Variants in AGPAT5 observed in about 807,000 individuals in gnomAD.
AGPAT5 encodes the protein 1-acylglycerol-3-phosphate O-acyltransferase 5.
Under a neutral mutation model 45.6 loss-of-function variants are expected in AGPAT5, and 46 were observed. The observed-to-expected ratio is 1.01, with a 90% CI of 0.80 to 1.29. The LOEUF is 1.29. Among genes scored for constraint, AGPAT5 ranks in the 50% most tolerant of loss-of-function variants. The pLI, the probability that AGPAT5 is intolerant of heterozygous loss-of-function variation, is 0.00. For missense variants in AGPAT5, 673 were observed against 450.7 expected, an observed-to-expected ratio of 1.49 and a Z score of -4.47; for synonymous variants, 272 against 167.0, an observed-to-expected ratio of 1.63 and a Z score of -4.85.
chr8:6,744,593 G>C (rs893428955), intron 5 of AGPAT5, among the ~76,000 whole-genome samples: 23 of 152,112 alleles, frequency 1.5e-4, no homozygotes, highest in African/African-American at 5.6e-4. Flanking sequence ...TCCTGTGCTT[G>C]GTTCGAGGTC....
At chr8:6,732,899 G>C (rs1213828415) in intron 4 of AGPAT5, among the ~76,000 whole-genome samples, 3 of 152,136 alleles carry the variant, frequency 2.0e-5, no homozygotes, top group African/African-American at 7.2e-5. Context: ...AAGAGCATTT[G>C]GTGTCGTTCA....
chr8:6,717,992 C>G (rs193184025), intron 1 of AGPAT5, among the ~76,000 whole-genome samples: 1 of 152,280 alleles, frequency 6.6e-6, no homozygotes, highest in Admixed American at 6.5e-5. Flanking sequence ...CGTATGTCAT[C>G]TGGATTAAGT....
In AGPAT5 at chr8:6,757,159, A is replaced by T; in HGVS notation, c.870-4A>T. On this transcript the variant is annotated splice_region_variant and splice_polypyrimidine_tract_variant and intron_variant, in intron 7 of 7. Coordinates refer to ENST00000285518, the MANE Select transcript of AGPAT5 (RefSeq NM_018361.5). The stretch of plus-strand genomic sequence containing the variant: ...AATCTAAACTTTTTCCATTCTGGCC[A>T]TAGGATGCTTATAGAATTTTATGAG... 1 of 1,611,126 alleles carries T rather than the reference A, an allele frequency of 6.2e-7. No homozygotes were observed. The highest frequency in any genetic ancestry group is 8.5e-7 in the Non-Finnish European group (1 of 1,178,362).
At chr8:6,754,689 G>T (rs548526507) in intron 6 of AGPAT5, among the ~76,000 whole-genome samples, 2 of 152,114 alleles carry the variant, frequency 1.3e-5, no homozygotes, top group Non-Finnish European at 2.9e-5. Context: ...AGGCATTTGC[G>T]GGTCCCTTCA....
chr8:6,717,865 C>G (rs1403916668), intron 1 of AGPAT5, among the ~76,000 whole-genome samples: 4 of 152,176 alleles, frequency 2.6e-5, no homozygotes, highest in African/African-American at 4.8e-5. Flanking sequence ...TATGAGAAGT[C>G]TTCTCACTTG....
At chr8:6,714,022 C>G (rs1326244332) in intron 1 of AGPAT5, among the ~76,000 whole-genome samples, 1 of 152,146 alleles carries the variant, frequency 6.6e-6, no homozygotes, top group Non-Finnish European at 1.5e-5. Context: ...TAGAATGAAA[C>G]ATGTTTACTT....
In AGPAT5 at chr8:6,720,429, G is replaced by A. The variant is rs142920741; in HGVS notation, c.220-4441G>A. The stretch of plus-strand genomic sequence containing the variant: ...GTCAGAACAGTGCTTGTCAAGGGGC[G>A]TTACCACACACTTGAACAGATTTTT... On this transcript the variant is annotated intron_variant, in intron 1 of 7. Transcript: ENST00000285518. Among the ~76,000 whole-genome samples, 978 of 152,284 alleles carry A rather than the reference G, an allele frequency of 6.4e-3. 8 individuals are homozygous for A. Among genetic ancestry groups the A allele is most frequent in the African/African-American group, 0.021 (868 of 41,536 alleles).
In AGPAT5 at chr8:6,747,803, G is replaced by A; in HGVS notation, c.720G>A (p.Gln240=). 1 of 1,614,186 alleles carries A rather than the reference G, an allele frequency of 6.2e-7. No individual in the cohort carries two copies. The highest frequency in any genetic ancestry group is 8.5e-7 in the Non-Finnish European group (1 of 1,180,028). The change falls in exon 6 of 8, where the codon CAG becomes CAA. Residue 240 remains glutamine, a synonymous_variant. Transcript: ENST00000285518. ...VVYEGKDDGG[Q]RRESPTMTEF... ...ATGAAGGGAAAGACGATGGAGGGCA[G>A]CGAAGAGAGTCACCGACCATGACGG...
intron 6 of AGPAT5, among the ~76,000 whole-genome samples, chr8:6,748,080 A>G (rs750308210): frequency 1.2e-4 from 19 of 152,236 alleles, no homozygotes; most frequent in Non-Finnish European, 2.2e-4. Context: ...TTTCTACTCA[A>G]AGTTCACACT....
intron 7 of AGPAT5, among the ~76,000 whole-genome samples, chr8:6,755,865 A>G (rs549066986): frequency 6.6e-6 from 1 of 152,194 alleles, no homozygotes; most frequent in South Asian, 2.1e-4. Flanking sequence ...TCTATTTTTC[A>G]TTGACTCTTA....
chr8:6,731,874 CCTT>C (rs1348443287), intron 3 of AGPAT5, among the ~76,000 whole-genome samples: 1 of 152,222 alleles, frequency 6.6e-6, no homozygotes, highest in African/African-American at 2.4e-5. Context: ...CAGACAGCAT[CCTT>C]CTTCCTGTGT....
chr8:6,714,284 T>A (rs1457422603), intron 1 of AGPAT5, among the ~76,000 whole-genome samples: 1 of 152,218 alleles, frequency 6.6e-6, no homozygotes, highest in African/African-American at 2.4e-5. Context: ...TGTGTAGGTG[T>A]GGGTGTGTTT....
Position 6,739,966 on chromosome 8 carries a change from C to T in AGPAT5, c.496-1695C>T, listed in dbSNP as rs571452227. 3.9e-5 allele frequency among the ~76,000 whole-genome samples: 6 copies of T among 152,118 alleles called. No homozygotes were observed. In the East Asian group the frequency reaches 5.8e-4, roughly 15 times the overall value. On this transcript the variant is annotated intron_variant, in intron 4 of 7. Coordinates refer to ENST00000285518, the MANE Select transcript of AGPAT5 (RefSeq NM_018361.5). ...TTTGCAATCATATCATGATATGTAA[C>T]GACATGTTTTTATTTATCTGTTTAA...
Position 6,736,659 on chromosome 8 carries a change from C to T in AGPAT5, c.495+4009C>T, listed in dbSNP as rs1227805557. 2.6e-5 allele frequency among the ~76,000 whole-genome samples: 4 copies of T among 152,236 alleles called. No homozygotes were observed. In the East Asian group the frequency reaches 7.7e-4, roughly 29 times the overall value. On this transcript the variant is annotated intron_variant, in intron 4 of 7. Coordinates refer to ENST00000285518, the MANE Select transcript of AGPAT5 (RefSeq NM_018361.5). The stretch of plus-strand genomic sequence containing the variant: ...GAGTGTCTTTCTCCGGAGAACATTT[C>T]TACCTGTTTTAGCTGGGCCCCTTAA...
At chr8:6,719,675 C>G (rs1451135164) in intron 1 of AGPAT5, among the ~76,000 whole-genome samples, 2 of 152,176 alleles carry the variant, frequency 1.3e-5, no homozygotes, top group Non-Finnish European at 2.9e-5. Context: ...AGCTTTACCA[C>G]CCAAACAAGC....
At chr8:6,748,926 G>C (rs1011622651) in intron 6 of AGPAT5, among the ~76,000 whole-genome samples, 5 of 152,164 alleles carry the variant, frequency 3.3e-5, no homozygotes, top group African/African-American at 1.2e-4. Flanking sequence ...GTCTGAAGTT[G>C]ATGTGCCTTG....
intron 7 of AGPAT5, among the ~76,000 whole-genome samples, chr8:6,756,744 G>T (rs932692208): frequency 4.6e-5 from 7 of 152,068 alleles, no homozygotes; most frequent in Non-Finnish European, 7.4e-5. Flanking sequence ...CCAGCCCCCT[G>T]TCGATACAGA....
rs953060605 is a variant in AGPAT5, at chr8:6,756,289, A to C, written c.870-874A>C. 2.0e-5 allele frequency among the ~76,000 whole-genome samples: 3 copies of C among 152,128 alleles called. No homozygotes were observed. In the East Asian group the frequency reaches 5.8e-4, roughly 29 times the overall value. ...TGCAGTGAGCAGTCCATATCCATGG[A>C]TTCCACATTCATGGATTCCACCAAG... is the stretch of plus-strand genomic sequence containing the variant. On this transcript the variant is annotated intron_variant, in intron 7 of 7. Coordinates refer to ENST00000285518, the MANE Select transcript of AGPAT5 (RefSeq NM_018361.5).
chr8:6,757,320 A>T lies in AGPAT5; in HGVS notation c.1027A>T (p.Lys343Ter), dbSNP rs758116601. 2 of 1,614,234 alleles carry T rather than the reference A, an allele frequency of 1.2e-6. No individual in the cohort carries two copies. The highest frequency in any genetic ancestry group is 1.7e-6 in the Non-Finnish European group (2 of 1,180,038). ...CATGCTTATGACCGATGCTGGAAGG[A>T]AGCTGTATGTGAACACCTGGATATA... ...AGMLMTDAGR[K>*]LYVNTWIYGT... Residue 343 changes from lysine (K) to a stop codon, truncating the protein, a stop_gained, in exon 8 of 8, where the codon AAG becomes TAG. Coordinates refer to ENST00000285518, the MANE Select transcript of AGPAT5 (RefSeq NM_018361.5). LOFTEE classifies it high-confidence loss of function.
Sources: allele counts gnomAD v4.1 joint callset (sites outside exome capture counted in the v4.1 genomes callset), GRCh38; gene constraint gnomAD v4.1.1; transcripts MANE v1.5; gene names NCBI Gene and HGNC (gene_info 2026-07-23, HGNC 2026-07-21).